Variants in GPR39 observed in about 807,000 individuals in gnomAD.
GPR39 encodes the protein G protein-coupled receptor 39.
A neutral mutation model predicts 18.4 loss-of-function variants in GPR39; 23 were observed. That is an observed-to-expected ratio of 1.25 (90% CI 0.90 to 1.77). GPR39 has a LOEUF of 1.77. Among genes scored for constraint, GPR39 ranks in the 40% most tolerant of loss-of-function variants. The pLI, the probability that GPR39 is intolerant of heterozygous loss-of-function variation, is 0.00. For missense variants in GPR39, 647 were observed against 602.4 expected (o/e 1.07, Z -0.78); for synonymous variants, 280 against 257.9 (o/e 1.09, Z -0.82).
intron 1 of GPR39, among the ~76,000 whole-genome samples, chr2:132,583,398 T>C (rs142900492): frequency 7.1e-6 from 1 of 141,816 alleles, no homozygotes; most frequent in African/African-American, 2.6e-5. Flanking sequence ...AAAAAAAAAG[T>C]GCCAAAGCTG....
At chr2:132,424,038 T>C (rs1680068100) in intron 1 of GPR39, among the ~76,000 whole-genome samples, 1 of 152,198 alleles carries the variant, frequency 6.6e-6, no homozygotes, top group Non-Finnish European at 1.5e-5. Context: ...ATGATTCCTC[T>C]GAGGCCTCTG....
Position 132,645,972 on chromosome 2 carries a change from CACTCAGGGA to C in GPR39, c.*367_*375del, listed in dbSNP as rs974785560. 94 of 1,159,632 alleles carry C rather than the reference CACTCAGGGA, an allele frequency of 8.1e-5. No individual in the cohort carries two copies. The African/African-American group carries it at 1.4e-3, about 17-fold the overall frequency. The allele number at this position is 1,159,632 out of a possible 1,614,324, so 71.8% of individuals were successfully genotyped here. Reference sequence around the variant, plus strand: ...AATAAAAGGACACCCAGAAGAAACTCACTCAGGGAGGTGGGGGGTTGGGGGCGAGGGCTG... The same window carrying C: ...AATAAAAGGACACCCAGAAGAAACTCGGTGGGGGGTTGGGGGCGAGGGCTG... On this transcript the variant is annotated 3_prime_UTR_variant, in exon 2 of 2. Coordinates refer to ENST00000329321, the MANE Select transcript of GPR39 (RefSeq NM_001508.3).
chr2:132,613,736 T>A (rs2104852618), intron 1 of GPR39, among the ~76,000 whole-genome samples: 1 of 152,328 alleles, frequency 6.6e-6, no homozygotes, highest in South Asian at 2.1e-4. Flanking sequence ...TCTTTCTCAT[T>A]TACTTATGGA....
intron 1 of GPR39, among the ~76,000 whole-genome samples, chr2:132,524,995 T>C (rs1679484220): frequency 6.6e-6 from 1 of 152,160 alleles, no homozygotes; most frequent in South Asian, 2.1e-4. Context: ...ACTGGTGCCA[T>C]ATTGCCTCCC....
intron 1 of GPR39, among the ~76,000 whole-genome samples, chr2:132,542,150 A>C (rs1051148998): frequency 6.6e-6 from 1 of 152,326 alleles, no homozygotes; most frequent in Admixed American, 6.5e-5. Context: ...GGCACATTCC[A>C]TCTATAGCAG....
At chr2:132,424,239 C>A (rs114746223) in intron 1 of GPR39, among the ~76,000 whole-genome samples, 2,484 of 152,268 alleles carry the variant, frequency 0.016, 32 homozygotes, top group Non-Finnish European at 0.026. Flanking sequence ...TGCAATGATA[C>A]AACTCTACAC....
chr2:132,607,501 G>T (rs1342709192), intron 1 of GPR39, among the ~76,000 whole-genome samples: 2 of 152,128 alleles, frequency 1.3e-5, no homozygotes, highest in Non-Finnish European at 2.9e-5. Flanking sequence ...AGTGGGATTT[G>T]CCCTTTGAAA....
intron 1 of GPR39, among the ~76,000 whole-genome samples, chr2:132,582,917 T>TTTC (rs1558847672): frequency 2.6e-5 from 1 of 38,298 alleles, no homozygotes; most frequent in East Asian, 0.012. Context: ...CTTTCTTTCT[T>TTTC]TTTTTTTTTT....
At chr2:132,582,774 C>CT (rs1344371235) in intron 1 of GPR39, among the ~76,000 whole-genome samples, 1 of 152,154 alleles carries the variant, frequency 6.6e-6, no homozygotes, top group Non-Finnish European at 1.5e-5. Flanking sequence ...CTTCCAACCC[C>CT]TTTTTTACCT....
intron 1 of GPR39, among the ~76,000 whole-genome samples, chr2:132,427,972 AAT>A (rs1295383031): frequency 6.1e-5 from 9 of 146,750 alleles, no homozygotes; most frequent in African/African-American, 2.2e-4. Context: ...TTTATATTTA[AAT>A]ATATATATAT....
chr2:132,478,453 A>G (rs1264286543), intron 1 of GPR39, among the ~76,000 whole-genome samples: 1 of 152,220 alleles, frequency 6.6e-6, no homozygotes, highest in Admixed American at 6.5e-5. Flanking sequence ...AAGTAATTTA[A>G]AATCTACATC....
chr2:132,417,696 C>A lies in GPR39; in HGVS notation c.654C>A (p.Thr218=), dbSNP rs746018188. The A allele has an allele frequency of 5.0e-6, 8 of 1,614,158 alleles. No individual in the cohort carries two copies. Among genetic ancestry groups the A allele is most frequent in the Non-Finnish European group, 5.1e-6 (6 of 1,180,006 alleles). ...SICTNLSSRW[T]VFQSSIFGAF... is the part of the protein sequence containing the mutation. ...GTACCAACCTCTCCAGCCGCTGGAC[C>A]GTGTTCCAGTCCAGCATCTTCGGCG... The change falls in exon 1 of 2, where the codon ACC becomes ACA. Residue 218 remains threonine, a synonymous_variant. Transcript: ENST00000329321.
chr2:132,620,769 T>C (rs529650658), intron 1 of GPR39, among the ~76,000 whole-genome samples: 1 of 152,262 alleles, frequency 6.6e-6, no homozygotes, highest in East Asian at 1.9e-4. Context: ...TTTAGTTATT[T>C]TGAGATGGAG....
chr2:132,474,069 C>G (rs377524407), intron 1 of GPR39, among the ~76,000 whole-genome samples: 8 of 152,184 alleles, frequency 5.3e-5, no homozygotes, highest in Non-Finnish European at 8.8e-5. Context: ...ATCAGTGTGT[C>G]CTCACTTCAG....
At chr2:132,419,679 C>T (rs1160869237) in intron 1 of GPR39, among the ~76,000 whole-genome samples, 1 of 152,146 alleles carries the variant, frequency 6.6e-6, no homozygotes, top group Non-Finnish European at 1.5e-5. Context: ...ATAAATATTC[C>T]CTTAGGCATA....
At chr2:132,582,354 G>A (rs1377447948) in intron 1 of GPR39, among the ~76,000 whole-genome samples, 4 of 152,236 alleles carry the variant, frequency 2.6e-5, no homozygotes, top group Admixed American at 1.3e-4. Flanking sequence ...GATTACATGG[G>A]GGAAGGACTT....
At chr2:132,427,962 T>G (rs953130287) in intron 1 of GPR39, among the ~76,000 whole-genome samples, 3 of 147,146 alleles carry the variant, frequency 2.0e-5, no homozygotes, top group Admixed American at 1.4e-4. Context: ...TATAGTTATA[T>G]TTATATTTAA....
At chr2:132,510,734 T>G (rs1679224791) in intron 1 of GPR39, among the ~76,000 whole-genome samples, 1 of 152,172 alleles carries the variant, frequency 6.6e-6, no homozygotes, top group South Asian at 2.1e-4. Context: ...CCATAATAGA[T>G]CTGATAAAAT....
chr2:132,444,293 T>C (rs779558594), intron 1 of GPR39, among the ~76,000 whole-genome samples: 4 of 151,036 alleles, frequency 2.6e-5, no homozygotes, highest in Non-Finnish European at 4.4e-5. Flanking sequence ...TATGGCATTA[T>C]GGGAATTTTT....
Sources: gnomAD v4.1 joint callset for allele counts (sites outside exome capture counted in the v4.1 genomes callset) on GRCh38, gnomAD v4.1.1 for gene constraint, MANE v1.5 for transcripts, NCBI Gene and HGNC (gene_info 2026-07-23, HGNC 2026-07-21) for gene names.